SLFN12L: variants seen among roughly 807,000 people sequenced by gnomAD.
The protein encoded by SLFN12L is schlafen family member 12-like.
In SLFN12L, 34 loss-of-function variants were observed where a neutral mutation model predicts 34.8. The ratio of observed to expected loss-of-function variants is 0.98; its 90% CI spans 0.74 to 1.30. The LOEUF is 1.30. SLFN12L is among the 50% of genes most tolerant of loss of function. SLFN12L has a pLI of 0.00. For synonymous variants in SLFN12L, 259 were observed against 247.5 expected (o/e 1.05, Z -0.44); for missense variants, 703 against 696.2 (o/e 1.01, Z -0.11).
intron 2 of SLFN12L, among the ~76,000 whole-genome samples, chr17:35,513,686 ACAC>A (rs939411155): frequency 1.3e-5 from 2 of 152,256 alleles, no homozygotes; most frequent in Admixed American, 1.3e-4. Flanking sequence ...TCACAAGGTC[ACAC>A]CTTACTTTCA....
In SLFN12L at chr17:35,466,774, A is replaced by G. The variant is rs1365975684; in HGVS notation, c.*8149T>C. ...TACTGAAGAGACTTTAACAAGCTCT[A>G]CTCATGCCTCCTAAAGTCTAGACCA... On this transcript the variant is annotated 3_prime_UTR_variant, in exon 5 of 5. Transcript: ENST00000628453. Among the ~76,000 whole-genome samples the G allele has an allele frequency of 5.9e-5, 9 of 152,168 alleles. No individual in the cohort carries two copies. Among genetic ancestry groups the G allele is most frequent in the Non-Finnish European group, 8.8e-5 (6 of 68,032 alleles).
intron 2 of SLFN12L, among the ~76,000 whole-genome samples, chr17:35,493,086 C>T (rs1310947087): frequency 6.6e-6 from 1 of 152,054 alleles, no homozygotes; most frequent in African/African-American, 2.4e-5. Flanking sequence ...ACTTTAAATT[C>T]TTTGTGTGGG....
At position 35,522,558 on chromosome 17, in the gene SLFN12L, T is replaced by C; in HGVS notation, c.-194A>G. ...AATCACGAGGGACTGCAGCAGGGCT[T>C]CCAATGTGCTGGGTGCCTGCAAAAC... On this transcript the variant is annotated 5_prime_UTR_variant, in exon 2 of 5. Coordinates refer to ENST00000628453, the MANE Select transcript of SLFN12L (RefSeq NM_001363830.2). 6 of 1,609,902 alleles carry C rather than the reference T, an allele frequency of 3.7e-6. No homozygotes were observed. Among genetic ancestry groups the C allele is most frequent in the Non-Finnish European group, 5.1e-6 (6 of 1,178,018 alleles).
intron 1 of SLFN12L, among the ~76,000 whole-genome samples, chr17:35,525,997 T>C (rs1405289976): frequency 6.6e-6 from 1 of 151,850 alleles, no homozygotes; most frequent in Non-Finnish European, 1.5e-5. Context: ...AGGCTCAAAA[T>C]AAAGGGATGG....
rs576313338 is a variant in SLFN12L, at chr17:35,471,339, G to A, written c.*3584C>T. 6.6e-6 allele frequency among the ~76,000 whole-genome samples: 1 copy of A among 152,210 alleles called. No individual in the cohort carries two copies. Among genetic ancestry groups the A allele is most frequent in the African/African-American group, 2.4e-5 (1 of 41,526 alleles). ...TTTAGTAGAAATGGGGTTTCACCAT[G>A]TTGGCCAGGCTGGTCTCAAACTCCT... On this transcript the variant is annotated 3_prime_UTR_variant, in exon 5 of 5. Coordinates refer to ENST00000628453, the MANE Select transcript of SLFN12L (RefSeq NM_001363830.2).
In SLFN12L at chr17:35,468,858, A is replaced by G. The variant is rs1913756017; in HGVS notation, c.*6065T>C. On this transcript the variant is annotated 3_prime_UTR_variant, in exon 5 of 5. Coordinates refer to ENST00000628453, the MANE Select transcript of SLFN12L (RefSeq NM_001363830.2). The stretch of plus-strand genomic sequence containing the variant: ...TGGGGAGACCCCATCTCTACAAAAC[A>G]TATAAAAGTTAGCTGGGCATGGTGG... Among the ~76,000 whole-genome samples, 1 of 152,022 alleles carries G rather than the reference A, an allele frequency of 6.6e-6. No homozygotes were observed. Among genetic ancestry groups the G allele is most frequent in the Non-Finnish European group, 1.5e-5 (1 of 67,994 alleles).
intron 2 of SLFN12L, among the ~76,000 whole-genome samples, chr17:35,492,411 C>G (rs1195935256): frequency 6.6e-6 from 1 of 152,146 alleles, no homozygotes; most frequent in Admixed American, 6.5e-5. Context: ...AAAGGGCTCT[C>G]TTATACCACA....
chr17:35,476,466 G>A (rs1300276149), intron 4 of SLFN12L, among the ~76,000 whole-genome samples: 1 of 68,858 alleles, frequency 1.5e-5, no homozygotes, highest in Non-Finnish European at 2.8e-5. Flanking sequence ...AGGAAGGAAG[G>A]AAGGAAGGAA....
At chr17:35,523,593 A>T (rs1398236939) in intron 1 of SLFN12L, among the ~76,000 whole-genome samples, 1 of 152,218 alleles carries the variant, frequency 6.6e-6, no homozygotes, top group African/African-American at 2.4e-5. Flanking sequence ...TCACAGGCAA[A>T]CAAGGAACAA....
rs57980615 is a variant in SLFN12L at position 35,471,136 on chromosome 17, CTTTT to C, written c.*3783_*3786del. 3.5e-5 allele frequency among the ~76,000 whole-genome samples: 5 copies of C among 142,548 alleles called. No individual in the cohort carries two copies. The highest frequency in any genetic ancestry group is 6.1e-5 in the Non-Finnish European group (4 of 65,734). 93.5% of individuals were successfully genotyped at this position (142,548 alleles called of 152,430 possible). On this transcript the variant is annotated 3_prime_UTR_variant, in exon 5 of 5. Transcript: ENST00000628453. ...GCAATAAACATATGTGTGCATGTGTCTTTTTTTTTTTTTTTCTGAGACAGAGTTT... is the reference window on the plus strand; with the variant it reads ...GCAATAAACATATGTGTGCATGTGTCTTTTTTTTTTTCTGAGACAGAGTTT...
At chr17:35,487,966 T>C (rs1331114822) in intron 2 of SLFN12L, 2 of 683,416 alleles carry the variant, frequency 2.9e-6, no homozygotes, top group South Asian at 3.0e-5. Flanking sequence ...CCCAGCACTT[T>C]GGGAGGCTGA....
chr17:35,464,700 T>C lies in SLFN12L; in HGVS notation c.*10223A>G, dbSNP rs914939597. 6.6e-6 allele frequency: 1 copy of C among 152,136 alleles called. No individual in the cohort carries two copies. The highest frequency in any genetic ancestry group is 6.5e-5 in the Admixed American group (1 of 15,282). 9.4% of individuals were successfully genotyped at this position (152,136 alleles called of 1,614,324 possible). A position where few individuals can be genotyped will look rare whatever the true frequency, so the allele number is the denominator to read the frequency against. ...AGCATTTAGGTTAATATAGACATAA[T>C]GAATAGATTGTACATGTACATAGAT... On this transcript the variant is annotated 3_prime_UTR_variant, in exon 5 of 5. Transcript: ENST00000628453.
At chr17:35,476,627 C>T (rs1471761575) in intron 4 of SLFN12L, among the ~76,000 whole-genome samples, 2 of 152,132 alleles carry the variant, frequency 1.3e-5, no homozygotes, top group Non-Finnish European at 2.9e-5. Flanking sequence ...TGTAATTCAA[C>T]TCCCAGCCAA....
Position 35,475,168 on chromosome 17 carries a change from T to C in SLFN12L, c.1594A>G (p.Lys532Glu). The change falls in exon 5 of 5, where the codon AAA (lysine) becomes GAA (glutamate). Residue 532 changes from lysine to glutamate, a missense_variant. Lys to Glu is a moderately conservative substitution (Grantham distance 56). Transcript: ENST00000628453. ...ATCTTTGTCATGACACACACTTTTTTAGTGTAACCACCAATTTTTGCCAGC... is the reference window on the plus strand; with the variant it reads ...ATCTTTGTCATGACACACACTTTTTCAGTGTAACCACCAATTTTTGCCAGC... ...QKLAKIGGYTKKVCVMTKIFY... is the reference protein window; with the variant it reads ...QKLAKIGGYTEKVCVMTKIFY... 3 of 1,614,222 alleles carry C rather than the reference T, an allele frequency of 1.9e-6. No individual in the cohort carries two copies. The highest frequency in any genetic ancestry group is 1.6e-4 in the Middle Eastern group (1 of 6,062).
chr17:35,479,659 C>T lies in SLFN12L; in HGVS notation c.623G>A (p.Arg208Lys), dbSNP rs1914221996. Residue 208 changes from arginine (R) to lysine (K), a missense_variant, in exon 3 of 5, where the codon AGG (arginine) becomes AAG (lysine). Arg to Lys is a conservative substitution (Grantham distance 26). Transcript: ENST00000628453. ...AYLRPEFPAK[R>K]ACVDVQEESN... ...TTCTTCTTGTACATCAACACAGGCC[C>T]TTTTTGCAGGGAATTCTGGTCTTAA... is the stretch of plus-strand genomic sequence containing the variant. 1 of 1,611,390 alleles carries T rather than the reference C, an allele frequency of 6.2e-7. No individual in the cohort carries two copies. Among genetic ancestry groups the T allele is most frequent in the South Asian group, 1.1e-5 (1 of 90,818 alleles).
At chr17:35,531,497 C>T (rs935596097) in intron 1 of SLFN12L, among the ~76,000 whole-genome samples, 2 of 152,190 alleles carry the variant, frequency 1.3e-5, no homozygotes, top group African/African-American at 4.8e-5. Context: ...TTGTGACATA[C>T]AAGCTTTAAA....
At chr17:35,484,582 ATC>A (rs1429149746) in intron 2 of SLFN12L, among the ~76,000 whole-genome samples, 1 of 152,152 alleles carries the variant, frequency 6.6e-6, no homozygotes, top group Non-Finnish European at 1.5e-5. Flanking sequence ...TGTTCCTTCC[ATC>A]TGGGAAACTC....
chr17:35,515,812 T>G (rs2142163231), intron 2 of SLFN12L, among the ~76,000 whole-genome samples: 1 of 151,790 alleles, frequency 6.6e-6, no homozygotes, highest in Admixed American at 6.6e-5. Flanking sequence ...CCCGGCTAAT[T>G]TTTGTATTTT....
intron 2 of SLFN12L, among the ~76,000 whole-genome samples, chr17:35,494,039 G>T (rs1914945211): frequency 1.3e-5 from 2 of 152,270 alleles, no homozygotes; most frequent in Admixed American, 6.5e-5. Context: ...GAGAAGGAGG[G>T]ATTTGAAGGA....
Sources: allele counts gnomAD v4.1 joint callset (sites outside exome capture counted in the v4.1 genomes callset), GRCh38; gene constraint gnomAD v4.1.1; transcripts MANE v1.5; gene names NCBI Gene and HGNC (gene_info 2026-07-23, HGNC 2026-07-21).